The following GLRA3 variants were observed in gnomAD, a reference collection of about 807,000 sequenced individuals.
The protein encoded by GLRA3 is glycine receptor alpha 3, also known as glycine receptor subunit alpha-3.
In GLRA3, 44 loss-of-function variants were observed where a neutral mutation model predicts 60.4. The ratio of observed to expected loss-of-function variants is 0.73; its 90% CI spans 0.57 to 0.94. The LOEUF (loss-of-function observed/expected upper bound fraction) is 0.94, where lower values mean the gene tolerates loss of function less well. Among genes scored for constraint, GLRA3 ranks in the 40% least tolerant of loss-of-function variants. GLRA3 has a pLI of 0.00. For synonymous variants in GLRA3, 223 were observed against 192.9 expected, an observed-to-expected ratio of 1.16 and a Z score of -1.29; for missense variants, 508 against 564.6, an observed-to-expected ratio of 0.90 and a Z score of 1.02.
intron 1 of GLRA3, among the ~76,000 whole-genome samples, chr4:174,797,192 G>A (rs563866600): frequency 7.2e-5 from 11 of 152,186 alleles, no homozygotes; most frequent in Non-Finnish European, 1.6e-4. Flanking sequence ...TTTTGGATAA[G>A]AAACTTTACC....
chr4:174,760,642 T>C (rs1207270515), intron 3 of GLRA3, among the ~76,000 whole-genome samples: 1 of 152,116 alleles, frequency 6.6e-6, no homozygotes, highest in Non-Finnish European at 1.5e-5. Context: ...TGCCTCAGCC[T>C]CCCGAGTAGC....
intron 3 of GLRA3, among the ~76,000 whole-genome samples, chr4:174,749,021 G>A (rs1394434169): frequency 6.6e-6 from 1 of 152,110 alleles, no homozygotes; most frequent in Non-Finnish European, 1.5e-5. Flanking sequence ...TTTTTCCACA[G>A]TAGTGTCAAT....
At chr4:174,797,874 T>C (rs1739633516) in intron 1 of GLRA3, among the ~76,000 whole-genome samples, 1 of 151,384 alleles carries the variant, frequency 6.6e-6, no homozygotes, top group Admixed American at 6.6e-5. Context: ...CAGAGAGCCA[T>C]GACTGTGTCA....
chr4:174,828,664 C>G (rs1378248192), intron 1 of GLRA3, 77 bp downstream of exon 1: 1 of 855,760 alleles, frequency 1.2e-6, no homozygotes, highest in Non-Finnish European at 2.0e-6. Context: ...ATTTCCCGGT[C>G]TCATCAATAA....
chr4:174,779,716 A>C (rs1291726350), intron 2 of GLRA3, among the ~76,000 whole-genome samples: 1 of 152,204 alleles, frequency 6.6e-6, no homozygotes, highest in South Asian at 2.1e-4. Flanking sequence ...GGTATCAGAG[A>C]TGGAAGATGA....
At chr4:174,775,203 T>C (rs1028789833) in intron 2 of GLRA3, among the ~76,000 whole-genome samples, 2 of 152,106 alleles carry the variant, frequency 1.3e-5, no homozygotes, top group African/African-American at 4.8e-5. Flanking sequence ...AATGTACCAT[T>C]TTCAAAAATA....
At chr4:174,685,780 A>G (rs536523069) in intron 5 of GLRA3, among the ~76,000 whole-genome samples, 1 of 152,282 alleles carries the variant, frequency 6.6e-6, no homozygotes, top group South Asian at 2.1e-4. Flanking sequence ...CAAAATAGGC[A>G]CCAATTCTAC....
chr4:174,778,179 C>T (rs1738685000), intron 2 of GLRA3, among the ~76,000 whole-genome samples: 1 of 152,094 alleles, frequency 6.6e-6, no homozygotes, highest in African/African-American at 2.4e-5. Context: ...TGGTCTGCGC[C>T]TGGGGATGTG....
intron 3 of GLRA3, among the ~76,000 whole-genome samples, chr4:174,745,051 A>T (rs538359431): frequency 2.0e-5 from 3 of 152,332 alleles, no homozygotes; most frequent in South Asian, 2.1e-4. Context: ...TGAATCTAAC[A>T]GAAGAAAGAA....
intron 1 of GLRA3, among the ~76,000 whole-genome samples, chr4:174,810,421 G>A (rs6816364): frequency 0.6 from 89,898 of 151,026 alleles, 27,652 homozygotes; most frequent in African/African-American, 0.67. Flanking sequence ...TCCCCTAATT[G>A]GAACATTTTT....
At chr4:174,665,375 C>T (rs966724312) in intron 7 of GLRA3, among the ~76,000 whole-genome samples, 11 of 151,984 alleles carry the variant, frequency 7.2e-5, no homozygotes, top group African/African-American at 2.4e-4. Flanking sequence ...CAGAATAACG[C>T]ATCTCAGCAT....
intron 9 of GLRA3, among the ~76,000 whole-genome samples, chr4:174,649,174 T>A (rs1579385456): frequency 6.6e-6 from 1 of 152,106 alleles, no homozygotes; most frequent in Admixed American, 6.5e-5. Flanking sequence ...ATGGGGGTAG[T>A]GAACACAGCT....
chr4:174,793,420 ATTC>A (rs1382550692), intron 1 of GLRA3, among the ~76,000 whole-genome samples: 1 of 80,058 alleles, frequency 1.2e-5, no homozygotes, highest in Non-Finnish European at 2.4e-5. Flanking sequence ...CAAAATTTAC[ATTC>A]ATTTATTTAT....
At chr4:174,822,660 T>C (rs762067277) in intron 1 of GLRA3, among the ~76,000 whole-genome samples, 1 of 152,182 alleles carries the variant, frequency 6.6e-6, no homozygotes, top group Non-Finnish European at 1.5e-5. Flanking sequence ...TTGGCAATGG[T>C]TGTATAATAT....
intron 3 of GLRA3, among the ~76,000 whole-genome samples, chr4:174,755,672 A>C (rs943848619): frequency 1.2e-4 from 18 of 152,102 alleles, no homozygotes; most frequent in African/African-American, 4.1e-4. Context: ...GAAGTATAAG[A>C]GATAGAAACA....
chr4:174,657,817 T>A (rs1733271254), intron 8 of GLRA3, among the ~76,000 whole-genome samples: 1 of 152,108 alleles, frequency 6.6e-6, no homozygotes, highest in African/African-American at 2.4e-5. Context: ...TTCATAAAAA[T>A]TTAATTAAAT....
Position 174,828,891 on chromosome 4 carries a change from A to G in GLRA3, c.-80T>C. ...CCAGAAAGACAGAATGAAAATGTAC[A>G]ATCTAACCCCGCATGGTGTTGGTGT... On this transcript the variant is annotated 5_prime_UTR_variant, in exon 1 of 10. Transcript: ENST00000274093. 1 of 973,958 alleles carries G rather than the reference A, an allele frequency of 1.0e-6. No homozygotes were observed. Among genetic ancestry groups the G allele is most frequent in the Non-Finnish European group, 1.7e-6 (1 of 599,078 alleles). 60.3% of individuals were successfully genotyped at this position (973,958 alleles called of 1,614,324 possible).
intron 2 of GLRA3, among the ~76,000 whole-genome samples, chr4:174,775,430 T>C (rs1738561480): frequency 6.6e-6 from 1 of 152,056 alleles, no homozygotes; most frequent in Admixed American, 6.6e-5. Context: ...AGTGAAATAT[T>C]TAAGGGTAAA....
Position 174,731,213 on chromosome 4 carries a change from T to A in GLRA3, c.268-2515A>T, listed in dbSNP as rs1353449937. Among the ~76,000 whole-genome samples the A allele has an allele frequency of 2.6e-5, 4 of 152,170 alleles. No homozygotes were observed. The East Asian group carries it at 5.8e-4, about 22-fold the overall frequency. On this transcript the variant is annotated intron_variant, in intron 3 of 9. Coordinates refer to ENST00000274093, the MANE Select transcript of GLRA3 (RefSeq NM_006529.4). ...ATGGAAAGCTATTAAATAACCAAAT[T>A]CAGCATTTCAAAAATGTTTTTTTAA...
Sources: gnomAD v4.1 joint callset for allele counts (sites outside exome capture counted in the v4.1 genomes callset) on GRCh38, gnomAD v4.1.1 for gene constraint, MANE v1.5 for transcripts, NCBI Gene and HGNC (gene_info 2026-07-23, HGNC 2026-07-21) for gene names.